PPARA: variants seen among roughly 807,000 people sequenced by gnomAD.
PPARA encodes peroxisome proliferator-activated receptor alpha.
PPARA carries 22 observed loss-of-function variants against 42.2 expected under a neutral mutation model. The ratio of observed to expected loss-of-function variants is 0.52; its 90% CI spans 0.37 to 0.74. The LOEUF is 0.74. PPARA is among the 30% of genes least tolerant of loss of function. PPARA has a pLI of 0.00. For missense variants in PPARA, 465 were observed against 608.2 expected (o/e 0.76, Z 2.48); for synonymous variants, 242 against 239.3 (o/e 1.01, Z -0.10).
chr22:46,220,359 G>A (rs905991610), intron 7 of PPARA: 1 of 353,478 alleles, frequency 2.8e-6, no homozygotes, highest in East Asian at 7.4e-5. Context: ...CTGTTGCCCA[G>A]GCTGGAATGC....
rs192981551 is a variant in PPARA at position 46,194,797 on chromosome 22, C to T, written c.-42-3545C>T. Among the ~76,000 whole-genome samples, 347 of 151,244 alleles carry T rather than the reference C, an allele frequency of 2.3e-3. 1 individual carries two copies. The highest frequency in any genetic ancestry group is 8.2e-3 in the African/African-American group (339 of 41,202). ...CCATGTTGGCCAGGCTGGTTTTGAA[C>T]TCCTGACCTTAAGTGATCAGCCCAC... On this transcript the variant is annotated intron_variant, in intron 3 of 8. Transcript: ENST00000407236.
At position 46,161,960 on chromosome 22, in the gene PPARA, C is replaced by A. The variant is rs1009405665; in HGVS notation, c.-127+9990C>A. 6.6e-6 allele frequency among the ~76,000 whole-genome samples: 1 copy of A among 152,154 alleles called. No individual in the cohort carries two copies. The highest frequency in any genetic ancestry group is 1.5e-5 in the Non-Finnish European group (1 of 68,018). Reference sequence around the variant, plus strand: ...ATGTCACCTGGGCCCTCCCGGAGGCCCTCGCCCTCAGTGTGTCTGATTCTG... The same window carrying A: ...ATGTCACCTGGGCCCTCCCGGAGGCACTCGCCCTCAGTGTGTCTGATTCTG... On this transcript the variant is annotated intron_variant, in intron 2 of 8. Transcript: ENST00000407236. This position sits in a 1 kb window ranked among gnomAD's most constrained non-coding sequence, Gnocchi z 4.8.
chr22:46,177,909 G>T (rs1385946661), intron 3 of PPARA, among the ~76,000 whole-genome samples: 1 of 152,178 alleles, frequency 6.6e-6, no homozygotes, highest in African/African-American at 2.4e-5. Context: ...AGGTATAGCA[G>T]AGTCTCAGGT....
rs1375723091 is a variant in PPARA at position 46,236,909 on chromosome 22, CT to C, written c.*1531del. On this transcript the variant is annotated 3_prime_UTR_variant, in exon 9 of 9. Coordinates refer to ENST00000407236, the MANE Select transcript of PPARA (RefSeq NM_005036.6). This position sits in a 1 kb window ranked among gnomAD's most constrained non-coding sequence, Gnocchi z 5.2. ...TTTTTGTTTTAGCCTTCAAAACCAA[CT>C]TACCAACCTCAGTCCAGCTGGGAAG... 6.6e-6 allele frequency: 1 copy of C among 152,202 alleles called. No individual in the cohort carries two copies. The highest frequency in any genetic ancestry group is 1.5e-5 in the Non-Finnish European group (1 of 68,038). The allele number at this position is 152,202 out of a possible 1,614,324, so 9.4% of individuals were successfully genotyped here.
Position 46,211,972 on chromosome 22 carries a change from G to A in PPARA, c.209-3201G>A, listed in dbSNP as rs999271172. ...CTCCCAAAGTGTTGGGATTACAGGC[G>A]TGAGCCACCACACCCGGTCTCTCTC... On this transcript the variant is annotated intron_variant, in intron 4 of 8. Transcript: ENST00000407236. This position sits in a 1 kb window ranked among gnomAD's most constrained non-coding sequence, Gnocchi z 4.1. Among the ~76,000 whole-genome samples the A allele has an allele frequency of 3.0e-4, 46 of 151,386 alleles. No individual in the cohort carries two copies. Among genetic ancestry groups the A allele is most frequent in the African/African-American group, 1.0e-3 (42 of 41,218 alleles).
At chr22:46,214,447 G>A (rs1237597380) in intron 4 of PPARA, among the ~76,000 whole-genome samples, 2 of 151,832 alleles carry the variant, frequency 1.3e-5, no homozygotes, top group African/African-American at 4.8e-5. Flanking sequence ...TAGGAGATGC[G>A]TGGGTCCGGA....
intron 2 of PPARA, among the ~76,000 whole-genome samples, chr22:46,166,306 A>C (rs1927048308): frequency 6.6e-6 from 1 of 152,054 alleles, no homozygotes; most frequent in Non-Finnish European, 1.5e-5. Context: ...TGATAAACCC[A>C]CATGGCATTT....
chr22:46,215,410 C>A, intron 5 of PPARA, 77 bp downstream of exon 5: 1 of 1,575,500 alleles, frequency 6.3e-7, no homozygotes, highest in South Asian at 1.1e-5. Flanking sequence ...AAATGGCAGT[C>A]ATTACTGAGA....
At position 46,156,437 on chromosome 22, in the gene PPARA, C is replaced by A. The variant is rs1218984834; in HGVS notation, c.-127+4467C>A. 6.6e-6 allele frequency: 1 copy of A among 152,192 alleles called. No individual in the cohort carries two copies. The highest frequency in any genetic ancestry group is 2.4e-5 in the African/African-American group (1 of 41,444). The allele number at this position is 152,192 out of a possible 1,614,324, so 9.4% of individuals were successfully genotyped here. Reference sequence around the variant, plus strand: ...TCCTGCCTTTCTCACTTAGCCAGGTCTGATACCTGTGTTGTTTTCACTGTG... The same window carrying A: ...TCCTGCCTTTCTCACTTAGCCAGGTATGATACCTGTGTTGTTTTCACTGTG... On this transcript the variant is annotated intron_variant, in intron 2 of 8. Coordinates refer to ENST00000407236, the MANE Select transcript of PPARA (RefSeq NM_005036.6). This position sits in a 1 kb window ranked among gnomAD's most constrained non-coding sequence, Gnocchi z 5.2.
intron 5 of PPARA, 102 bp from the exon 6 acceptor site, chr22:46,218,161 T>C (rs932125807): frequency 1.4e-6 from 2 of 1,474,538 alleles, no homozygotes; most frequent in African/African-American, 1.4e-5. Flanking sequence ...TTTGTTCATT[T>C]AAAAAGAAAC....
rs559110718 is a variant in PPARA, at chr22:46,203,348, C to T, written c.208+4757C>T. Among the ~76,000 whole-genome samples, 4 of 152,280 alleles carry T rather than the reference C, an allele frequency of 2.6e-5. No homozygotes were observed. The highest frequency in any genetic ancestry group is 1.9e-4 in the East Asian group (1 of 5,188). The stretch of plus-strand genomic sequence containing the variant: ...ACTTTAAACTTTACACCCAGGAGAC[C>T]GGATGGGTGAGGCTGGTTCACTCGG... On this transcript the variant is annotated intron_variant, in intron 4 of 8. Coordinates refer to ENST00000407236, the MANE Select transcript of PPARA (RefSeq NM_005036.6). This position sits in a 1 kb window ranked among gnomAD's most constrained non-coding sequence, Gnocchi z 5.8.
intron 2 of PPARA, among the ~76,000 whole-genome samples, chr22:46,158,562 G>A (rs998552948): frequency 1.3e-5 from 2 of 152,226 alleles, no homozygotes; most frequent in African/African-American, 4.8e-5. Context: ...CTTTACATGA[G>A]TATTTAAATG....
chr22:46,163,032 G>A lies in PPARA; in HGVS notation c.-127+11062G>A, dbSNP rs1926450044. Among the ~76,000 whole-genome samples, 2 of 152,280 alleles carry A rather than the reference G, an allele frequency of 1.3e-5. No individual in the cohort carries two copies. The highest frequency in any genetic ancestry group is 1.3e-4 in the Admixed American group (2 of 15,274). On this transcript the variant is annotated intron_variant, in intron 2 of 8. Coordinates refer to ENST00000407236, the MANE Select transcript of PPARA (RefSeq NM_005036.6). This position sits in a 1 kb window ranked among gnomAD's most constrained non-coding sequence, Gnocchi z 4.9. ...TACCAACCACTGCATCGCATAACTG[G>A]CAGACTCCCAGCTTCAAGGAGAGGC... is the stretch of plus-strand genomic sequence containing the variant.
chr22:46,235,193 T>G lies in PPARA; in HGVS notation c.1220T>G (p.Val407Gly), dbSNP rs1294213591. ...AAAATGCAGGAGGGTATTGTACATG[T>G]GCTCAGACTCCACCTGCAGAGCAAC... ...IEKMQEGIVH[V>G]LRLHLQSNHP... Residue 407 changes from valine to glycine, a missense_variant, in exon 9 of 9, where the codon GTG (valine) becomes GGG (glycine). By Grantham distance (109) the Val-to-Gly change is moderately radical (BLOSUM62 -3). Coordinates refer to ENST00000407236, the MANE Select transcript of PPARA (RefSeq NM_005036.6). The surrounding 1 kb of genome is among the most constrained non-coding windows in gnomAD (Gnocchi z 7.0). 6.2e-7 allele frequency: 1 copy of G among 1,614,082 alleles called. No homozygotes were observed. Among genetic ancestry groups the G allele is most frequent in the Non-Finnish European group, 8.5e-7 (1 of 1,179,958 alleles).
rs768873359 is a variant in PPARA at position 46,236,177 on chromosome 22, T to C, written c.*797T>C. 3 of 152,490 alleles carry C rather than the reference T, an allele frequency of 2.0e-5. No individual in the cohort carries two copies. The highest frequency in any genetic ancestry group is 2.1e-4 in the South Asian group (1 of 4,800). The allele number at this position is 152,490 out of a possible 1,614,324, so 9.4% of individuals were successfully genotyped here. A position where few individuals can be genotyped will look rare whatever the true frequency, so the allele number is the denominator to read the frequency against. The stretch of plus-strand genomic sequence containing the variant: ...CAGGAGAATTGCTTGAACCAGGGAG[T>C]TGGAGGTTGCAGTGAGCTAAGACTG... On this transcript the variant is annotated 3_prime_UTR_variant, in exon 9 of 9. Transcript: ENST00000407236. This position sits in a 1 kb window ranked among gnomAD's most constrained non-coding sequence, Gnocchi z 5.2.
chr22:46,176,298 C>G (rs1220422183), intron 2 of PPARA, among the ~76,000 whole-genome samples: 4 of 152,084 alleles, frequency 2.6e-5, no homozygotes, highest in Non-Finnish European at 5.9e-5. Flanking sequence ...CCAGCCTGGC[C>G]AACATGGCAA....
rs1203678275 is a variant in PPARA at position 46,224,760 on chromosome 22, G to A, written c.711+4746G>A. Among the ~76,000 whole-genome samples, 2 of 152,224 alleles carry A rather than the reference G, an allele frequency of 1.3e-5. No individual in the cohort carries two copies. Among genetic ancestry groups the A allele is most frequent in the African/African-American group, 2.4e-5 (1 of 41,462 alleles). ...CCTCCTCCCTGCAGGGGCTGCTGGGGTGAAAGCAACCCTGAAATGTTCAAA... is the reference window on the plus strand; with the variant it reads ...CCTCCTCCCTGCAGGGGCTGCTGGGATGAAAGCAACCCTGAAATGTTCAAA... On this transcript the variant is annotated intron_variant, in intron 7 of 8. Coordinates refer to ENST00000407236, the MANE Select transcript of PPARA (RefSeq NM_005036.6). This position sits in a 1 kb window ranked among gnomAD's most constrained non-coding sequence, Gnocchi z 5.7.
At chr22:46,213,101 A>T (rs1349483938) in intron 4 of PPARA, among the ~76,000 whole-genome samples, 1 of 152,162 alleles carries the variant, frequency 6.6e-6, no homozygotes. Flanking sequence ...TCATACAGTA[A>T]AACTGCTTTG....
intron 4 of PPARA, among the ~76,000 whole-genome samples, chr22:46,210,309 CAA>C (rs1189985964): frequency 0.083 from 7,131 of 85,882 alleles, 625 homozygotes; most frequent in African/African-American, 0.23. Context: ...AACTCCATCT[CAA>C]AAAAAAAAAA....
Sources: gnomAD v4.1 joint callset for allele counts (sites outside exome capture counted in the v4.1 genomes callset) on GRCh38, gnomAD v4.1.1 for gene constraint, Gnocchi (gnomAD v3.1) non-coding constraint, MANE v1.5 for transcripts, NCBI Gene and HGNC (gene_info 2026-07-23, HGNC 2026-07-21) for gene names.